The following ELAPOR2 variants were observed in gnomAD, a reference collection of about 807,000 sequenced individuals.
ELAPOR2 encodes the protein endosome/lysosome-associated apoptosis and autophagy regulator family member 2.
ELAPOR2 carries 89 observed loss-of-function variants against 120.7 expected under a neutral mutation model. The ratio of observed to expected loss-of-function variants is 0.74; its 90% confidence interval spans 0.62 to 0.88. The LOEUF (loss-of-function observed/expected upper bound fraction) is 0.88. Among genes scored for constraint, ELAPOR2 ranks in the 40% least tolerant of loss-of-function variants. ELAPOR2 has a pLI of 0.00. For synonymous variants in ELAPOR2, 444 were observed against 444.9 expected, an observed-to-expected ratio of 1.00 and a Z score of 0.03; for missense variants, 1,134 against 1,251.6, an observed-to-expected ratio of 0.91 and a Z score of 1.42.
intron 21 of ELAPOR2, among the ~76,000 whole-genome samples, chr7:86,887,534 T>A (rs1274008239): frequency 1.3e-5 from 2 of 152,230 alleles, no homozygotes; most frequent in Non-Finnish European, 2.9e-5. Flanking sequence ...CCATACATTG[T>A]GAACCTTGAA....
chr7:86,927,721 T>G (rs1196527005), intron 8 of ELAPOR2, among the ~76,000 whole-genome samples: 1 of 151,930 alleles, frequency 6.6e-6, no homozygotes, highest in Non-Finnish European at 1.5e-5. Context: ...GGTTAGCCAT[T>G]CGAAAACAAA....
rs182709211 is a variant in ELAPOR2 at position 86,922,153 on chromosome 7, A to G, written c.1400-2843T>C. On this transcript the variant is annotated intron_variant, in intron 10 of 21. Coordinates refer to ENST00000450689, the MANE Select transcript of ELAPOR2 (RefSeq NM_001142749.3). ...ATTTTTATCCTTTCTCAAGCATAAA[A>G]ACTATATGGAACAGTGTCAACCAGA... Among the ~76,000 whole-genome samples the G allele has an allele frequency of 1.1e-3, 164 of 152,160 alleles. 2 individuals are homozygous for G. The highest frequency in any genetic ancestry group is 3.7e-3 in the South Asian group (18 of 4,824).
chr7:87,052,195 C>T (rs1395163218), intron 1 of ELAPOR2, among the ~76,000 whole-genome samples: 1 of 152,200 alleles, frequency 6.6e-6, no homozygotes. Context: ...ATACCCAAGG[C>T]TGGGCAATTT....
chr7:87,039,121 G>C (rs112801765), intron 1 of ELAPOR2, among the ~76,000 whole-genome samples: 1 of 151,610 alleles, frequency 6.6e-6, no homozygotes, highest in East Asian at 1.9e-4. Context: ...ATCATTAGAG[G>C]CTACTATGAG....
Position 86,907,682 on chromosome 7 carries a change from A to G in ELAPOR2, c.2546T>C (p.Ile849Thr). The G allele has an allele frequency of 6.4e-7, 1 of 1,572,746 alleles. No homozygotes were observed. The highest frequency in any genetic ancestry group is 8.6e-7 in the Non-Finnish European group (1 of 1,165,112). Reference sequence around the variant, plus strand: ...GAAATAAGGATACCTGGGGACTGAAATCACTCCTGCTCCAGATTTAGTAGG... The same window carrying G: ...GAAATAAGGATACCTGGGGACTGAAGTCACTCCTGCTCCAGATTTAGTAGG... ...CNPTKSGAGV[I>T]SVPSKCPAGT... is the part of the protein sequence containing the mutation. Residue 849 changes from isoleucine to threonine, a missense_variant, in exon 18 of 22, where the codon ATT (isoleucine) becomes ACT (threonine). Coordinates refer to ENST00000450689, the MANE Select transcript of ELAPOR2 (RefSeq NM_001142749.3).
At chr7:86,952,398 T>TG (rs1163475532) in intron 2 of ELAPOR2, among the ~76,000 whole-genome samples, 6 of 152,204 alleles carry the variant, frequency 3.9e-5, no homozygotes, top group African/African-American at 1.4e-4. Flanking sequence ...ACTCAAATTC[T>TG]GGTCTGTCTG....
intron 1 of ELAPOR2, among the ~76,000 whole-genome samples, chr7:87,025,445 T>G (rs558598970): frequency 6.6e-6 from 1 of 152,160 alleles, no homozygotes; most frequent in South Asian, 2.1e-4. Context: ...TCTAAACCAG[T>G]CTCTTTCTTT....
intron 1 of ELAPOR2, among the ~76,000 whole-genome samples, chr7:87,042,904 C>T (rs531705024): frequency 1.9e-3 from 286 of 151,986 alleles, no homozygotes; most frequent in Middle Eastern, 0.01. Flanking sequence ...ATCAAATAGA[C>T]GCAATAAAAA....
At chr7:86,896,830 A>T (rs1005182199) in intron 19 of ELAPOR2, among the ~76,000 whole-genome samples, 7 of 152,160 alleles carry the variant, frequency 4.6e-5, no homozygotes, top group African/African-American at 1.7e-4. Flanking sequence ...AAGCCTTAAA[A>T]ATATCCATTA....
chr7:86,909,596 T>A (rs1789198487), intron 16 of ELAPOR2, among the ~76,000 whole-genome samples: 1 of 152,116 alleles, frequency 6.6e-6, no homozygotes, highest in Non-Finnish European at 1.5e-5. Flanking sequence ...AATGTCATAC[T>A]TATATATGAA....
intron 8 of ELAPOR2, among the ~76,000 whole-genome samples, chr7:86,935,049 T>C (rs1790506630): frequency 6.6e-6 from 1 of 152,074 alleles, no homozygotes; most frequent in Non-Finnish European, 1.5e-5. Context: ...TAAGTGTTCA[T>C]TCATATCCTC....
At position 86,950,511 on chromosome 7, in the gene ELAPOR2, CACCA is replaced by C. The variant is rs1791200788; in HGVS notation, c.311-2593_311-2590del. 2.6e-5 allele frequency among the ~76,000 whole-genome samples: 4 copies of C among 152,092 alleles called. 1 individual carries two copies. In the South Asian group the frequency reaches 8.3e-4, roughly 32 times the overall value. ...GCTCTGTCTCCAAGCTTCTGGGTGCCACCATATTCCCCGGTGCCAGCACAGAAGC... is the reference window on the plus strand; with the variant it reads ...GCTCTGTCTCCAAGCTTCTGGGTGCCTATTCCCCGGTGCCAGCACAGAAGC... On this transcript the variant is annotated intron_variant, in intron 2 of 21. Transcript: ENST00000450689.
intron 2 of ELAPOR2, among the ~76,000 whole-genome samples, chr7:86,963,797 T>C (rs988060858): frequency 6.6e-6 from 1 of 152,190 alleles, no homozygotes; most frequent in Non-Finnish European, 1.5e-5. Flanking sequence ...CACACTTGCA[T>C]CAACTTCTTC....
intron 1 of ELAPOR2, among the ~76,000 whole-genome samples, chr7:87,026,359 T>G (rs145510357): frequency 3.3e-5 from 5 of 152,146 alleles, no homozygotes; most frequent in African/African-American, 1.2e-4. Flanking sequence ...TTTCTCTAGA[T>G]TAAAAAATCT....
At chr7:87,000,414 A>C (rs963498360) in intron 1 of ELAPOR2, among the ~76,000 whole-genome samples, 15 of 152,148 alleles carry the variant, frequency 9.9e-5, no homozygotes, top group Non-Finnish European at 1.5e-4. Context: ...TCATGTAAAT[A>C]CAATTCCTGC....
intron 2 of ELAPOR2, among the ~76,000 whole-genome samples, chr7:86,953,282 A>G (rs1584390303): frequency 6.6e-6 from 1 of 152,282 alleles, no homozygotes; most frequent in Non-Finnish European, 1.5e-5. Context: ...TCATAGTTTA[A>G]TCATTTGCTA....
chr7:86,954,547 T>C (rs771580396), intron 2 of ELAPOR2, among the ~76,000 whole-genome samples: 1 of 152,154 alleles, frequency 6.6e-6, no homozygotes, highest in Non-Finnish European at 1.5e-5. Flanking sequence ...TTTACTTGTT[T>C]AATGAGATGT....
intron 1 of ELAPOR2, among the ~76,000 whole-genome samples, chr7:86,971,182 T>G (rs189347351): frequency 1.9e-3 from 292 of 152,284 alleles, no homozygotes; most frequent in Non-Finnish European, 3.3e-3. Context: ...TATTTAAGAC[T>G]AAGTGACGCA....
chr7:87,036,047 A>T (rs1794577898), intron 1 of ELAPOR2, among the ~76,000 whole-genome samples: 1 of 152,240 alleles, frequency 6.6e-6, no homozygotes, highest in Admixed American at 6.5e-5. Context: ...TGCATTGGAG[A>T]TGTTCTTTCA....
Sources: gnomAD v4.1 joint callset for allele counts (sites outside exome capture counted in the v4.1 genomes callset) on GRCh38, gnomAD v4.1.1 for gene constraint, MANE v1.5 for transcripts, NCBI Gene and HGNC (gene_info 2026-07-23, HGNC 2026-07-21) for gene names.